Variants in PDSS2 observed in about 807,000 individuals in gnomAD.
The protein encoded by PDSS2 is all trans-polyprenyl-diphosphate synthase PDSS2.
PDSS2 carries 31 observed loss-of-function variants against 44.5 expected under a neutral mutation model. That is an observed-to-expected ratio of 0.70 (90% CI 0.52 to 0.94). PDSS2 has a LOEUF of 0.94. PDSS2 is among the 40% of genes least tolerant of loss of function. The probability of loss-of-function intolerance (pLI) is 0.00; values close to 1 mark genes in which losing one functional copy is unlikely to be tolerated. For synonymous variants in PDSS2, 157 were observed against 180.3 expected (o/e 0.87, Z 1.03); for missense variants, 452 against 482.2 (o/e 0.94, Z 0.59).
chr6:107,326,835 G>C (rs1777562558), intron 2 of PDSS2, among the ~76,000 whole-genome samples: 1 of 150,958 alleles, frequency 6.6e-6, no homozygotes. Flanking sequence ...CTGGGTGACA[G>C]AGCAGGGCTC....
intron 3 of PDSS2, among the ~76,000 whole-genome samples, chr6:107,252,860 T>C (rs1336646359): frequency 1.0e-5 from 1 of 97,776 alleles, no homozygotes; most frequent in Non-Finnish European, 2.2e-5. Flanking sequence ...AAATATGAAG[T>C]TTAATTTTAT....
chr6:107,437,566 T>A (rs1466162643), intron 1 of PDSS2, among the ~76,000 whole-genome samples: 1 of 151,220 alleles, frequency 6.6e-6, no homozygotes, highest in Non-Finnish European at 1.5e-5. Context: ...CAGTCGTGCC[T>A]TGTTATACAT....
chr6:107,340,077 ACT>A (rs1778034616), intron 1 of PDSS2, among the ~76,000 whole-genome samples: 1 of 152,140 alleles, frequency 6.6e-6, no homozygotes, highest in Non-Finnish European at 1.5e-5. Flanking sequence ...TGATGGACAA[ACT>A]AGAGATGTAC....
At chr6:107,378,599 A>G (rs1779363022) in intron 1 of PDSS2, among the ~76,000 whole-genome samples, 1 of 152,112 alleles carries the variant, frequency 6.6e-6, no homozygotes, top group Admixed American at 6.5e-5. Context: ...CAGCTGGGCC[A>G]ATATAATGAA....
intron 4 of PDSS2, among the ~76,000 whole-genome samples, chr6:107,238,357 C>G (rs1435376400): frequency 6.6e-6 from 1 of 152,206 alleles, no homozygotes; most frequent in African/African-American, 2.4e-5. Flanking sequence ...GTTAGGATGA[C>G]AGATGTTACT....
At chr6:107,383,880 C>G (rs1779527600) in intron 1 of PDSS2, among the ~76,000 whole-genome samples, 1 of 152,130 alleles carries the variant, frequency 6.6e-6, no homozygotes, top group South Asian at 2.1e-4. Context: ...AAAGGTAAAA[C>G]AAAGTTACTA....
intron 2 of PDSS2, among the ~76,000 whole-genome samples, chr6:107,279,980 G>A (rs983724500): frequency 6.6e-6 from 1 of 152,076 alleles, no homozygotes; most frequent in African/African-American, 2.4e-5. Context: ...TCAATGCACT[G>A]GATTTTTAAA....
intron 1 of PDSS2, among the ~76,000 whole-genome samples, chr6:107,362,290 G>T (rs1168396178): frequency 1.3e-5 from 2 of 152,156 alleles, no homozygotes; most frequent in Non-Finnish European, 2.9e-5. Context: ...AGAGCAGCCT[G>T]AAGTTTGAAT....
chr6:107,456,748 G>A (rs1344044235), intron 1 of PDSS2, among the ~76,000 whole-genome samples: 1 of 152,062 alleles, frequency 6.6e-6, no homozygotes, highest in East Asian at 1.9e-4. Flanking sequence ...TTGCTATGTT[G>A]CCCAGGCTGG....
intron 1 of PDSS2, among the ~76,000 whole-genome samples, chr6:107,369,728 A>G (rs1779073432): frequency 6.6e-6 from 1 of 152,050 alleles, no homozygotes; most frequent in African/African-American, 2.4e-5. Context: ...ATCTCAGGCC[A>G]GGTGCAGTGG....
intron 1 of PDSS2, among the ~76,000 whole-genome samples, chr6:107,407,574 A>C (rs1780359053): frequency 6.6e-6 from 1 of 152,126 alleles, no homozygotes; most frequent in Non-Finnish European, 1.5e-5. Flanking sequence ...TCTGCTTAAG[A>C]AAAATATAAA....
chr6:107,356,219 C>T (rs905814281), intron 1 of PDSS2, among the ~76,000 whole-genome samples: 1 of 152,170 alleles, frequency 6.6e-6, no homozygotes, highest in African/African-American at 2.4e-5. Context: ...ACTTTCACTC[C>T]TTTTGGGAAG....
chr6:107,229,348 G>A lies in PDSS2; in HGVS notation c.702+16200C>T, dbSNP rs562593116. ...GTTACAGGCGTGCACCACCATGCCC[G>A]GCTAATTTTTGTGTTTTTAGTAGAG... On this transcript the variant is annotated intron_variant, in intron 4 of 7. Transcript: ENST00000369037. Among the ~76,000 whole-genome samples the A allele has an allele frequency of 5.5e-4, 84 of 152,028 alleles. 1 individual carries two copies. The highest frequency in any genetic ancestry group is 3.7e-3 in the South Asian group (18 of 4,806).
At chr6:107,444,508 A>G (rs1487939719) in intron 1 of PDSS2, among the ~76,000 whole-genome samples, 1 of 152,200 alleles carries the variant, frequency 6.6e-6, no homozygotes, top group Non-Finnish European at 1.5e-5. Flanking sequence ...GGACGGCAGC[A>G]ACTGGGTCTT....
intron 4 of PDSS2, among the ~76,000 whole-genome samples, chr6:107,213,163 C>T (rs1582795015): frequency 6.6e-6 from 1 of 151,906 alleles, no homozygotes; most frequent in African/African-American, 2.4e-5. Flanking sequence ...GCATGCACCA[C>T]CACACCAAGT....
intron 1 of PDSS2, among the ~76,000 whole-genome samples, chr6:107,391,691 A>C (rs1329538131): frequency 6.6e-6 from 1 of 152,136 alleles, no homozygotes; most frequent in East Asian, 1.9e-4. Flanking sequence ...GTTACTTTGT[A>C]GTATGTCTAA....
intron 7 of PDSS2, among the ~76,000 whole-genome samples, chr6:107,168,973 AGGAGTATCTTT>A (rs1771459542): frequency 6.6e-6 from 1 of 152,142 alleles, no homozygotes; most frequent in South Asian, 2.1e-4. Flanking sequence ...GCTCTTCTCG[AGGAGTATCTTT>A]GTGGCGTTCT....
intron 3 of PDSS2, among the ~76,000 whole-genome samples, chr6:107,265,515 A>C (rs926659038): frequency 2.6e-5 from 4 of 152,338 alleles, no homozygotes; most frequent in African/African-American, 7.2e-5. Context: ...TTCTGTATTA[A>C]GTTTTGCCTG....
At chr6:107,220,242 G>A (rs566938230) in intron 4 of PDSS2, among the ~76,000 whole-genome samples, 1 of 152,066 alleles carries the variant, frequency 6.6e-6, no homozygotes, top group African/African-American at 2.4e-5. Context: ...CCTCAATAAA[G>A]CTGTTAAGAA....
Sources: allele counts gnomAD v4.1 joint callset (sites outside exome capture counted in the v4.1 genomes callset), GRCh38; gene constraint gnomAD v4.1.1; transcripts MANE v1.5; gene names NCBI Gene and HGNC (gene_info 2026-07-23, HGNC 2026-07-21).